ILKAP: variants seen among roughly 807,000 people sequenced by gnomAD.
ILKAP encodes integrin-linked kinase-associated serine/threonine phosphatase 2C.
ILKAP carries 11 observed loss-of-function variants against 49.1 expected under a neutral mutation model. The ratio of observed to expected loss-of-function variants is 0.22; its 90% CI spans 0.14 to 0.37. The LOEUF (loss-of-function observed/expected upper bound fraction) is 0.37, where lower values mean the gene tolerates loss of function less well. Ranked by LOEUF, ILKAP falls within the 10% of genes least tolerant of loss-of-function variation. The probability of loss-of-function intolerance (pLI) is 1.00; values close to 1 mark genes in which losing one functional copy is unlikely to be tolerated. For synonymous variants in ILKAP, 186 were observed against 192.8 expected (o/e 0.96, Z 0.29); for missense variants, 363 against 510.8 (o/e 0.71, Z 2.79).
Position 238,183,665 on chromosome 2 carries a change from G to A in ILKAP, c.702C>T (p.Leu234=), listed in dbSNP as rs759797592. Residue 234 remains leucine (L), a synonymous_variant, in exon 8 of 12, where the codon CTC becomes CTT. Transcript: ENST00000254654. ...AVDNILYIAN[L]GDSRAILCRY... ...CAGAGCCACATACCCGACTATCTCC[G>A]AGGTTGGCAATATAAAGAATGTTGT... 9.9e-6 allele frequency: 16 copies of A among 1,612,254 alleles called. No homozygotes were observed. The highest frequency in any genetic ancestry group is 2.2e-5 in the South Asian group (2 of 90,742).
rs201992635 is a variant in ILKAP at position 238,182,020 on chromosome 2, C to T, written c.836+45G>A. On this transcript the variant is annotated intron_variant, in intron 9 of 11. Coordinates refer to ENST00000254654, the MANE Select transcript of ILKAP (RefSeq NM_030768.3). Reference sequence around the variant, plus strand: ...TGAAGGTCTCGGGACCCTTCTACAGCTAACAGCCCTCCTTCCCATGAGCTC... The same window carrying T: ...TGAAGGTCTCGGGACCCTTCTACAGTTAACAGCCCTCCTTCCCATGAGCTC... 3.0e-4 allele frequency: 485 copies of T among 1,607,592 alleles called. 1 individual carries two copies. Among genetic ancestry groups the T allele is most frequent in the Non-Finnish European group, 1.5e-4 (174 of 1,176,020 alleles).
chr2:238,188,312 AC>A, intron 4 of ILKAP, 55 bp from the exon 5 acceptor site: 1 of 1,583,450 alleles, frequency 6.3e-7, no homozygotes, highest in Admixed American at 1.8e-5. Context: ...CCCTCTGGAA[AC>A]CCTAGTCCCA....
intron 1 of ILKAP, among the ~76,000 whole-genome samples, chr2:238,198,427 C>CG (rs11378938): frequency 0.11 from 17,285 of 152,002 alleles, 1,998 homozygotes; most frequent in African/African-American, 0.3. Context: ...TTTGTAGAGA[C>CG]GGGGTCTCAC....
intron 8 of ILKAP, 136 bp downstream of exon 8, chr2:238,183,517 G>C: frequency 1.5e-6 from 1 of 658,494 alleles, no homozygotes; most frequent in Non-Finnish European, 2.6e-6. Context: ...AACTGCAGCA[G>C]AACACTCTGC....
At chr2:238,176,094 T>G (rs1284736254) in intron 9 of ILKAP, among the ~76,000 whole-genome samples, 2 of 142,202 alleles carry the variant, frequency 1.4e-5, no homozygotes, top group South Asian at 4.7e-4. Flanking sequence ...TCCCTCAGTT[T>G]CCCCCCCACC....
intron 9 of ILKAP, among the ~76,000 whole-genome samples, chr2:238,180,769 T>C (rs1463006240): frequency 6.6e-6 from 1 of 152,198 alleles, no homozygotes; most frequent in Non-Finnish European, 1.5e-5. Flanking sequence ...GACTGGGATA[T>C]AGGAAGCAAC....
At chr2:238,180,273 GA>G (rs1693634544) in intron 9 of ILKAP, among the ~76,000 whole-genome samples, 1 of 152,216 alleles carries the variant, frequency 6.6e-6, no homozygotes, top group Admixed American at 6.5e-5. Flanking sequence ...ATACTTTGGG[GA>G]TAACTCGGGA....
chr2:238,196,422 T>C (rs1694350616), intron 1 of ILKAP, among the ~76,000 whole-genome samples: 1 of 152,268 alleles, frequency 6.6e-6, no homozygotes, highest in South Asian at 2.1e-4. Flanking sequence ...AGACGGGGTT[T>C]CACCATGTTG....
intron 1 of ILKAP, among the ~76,000 whole-genome samples, chr2:238,196,043 C>CAAAAAAAAA (rs71043116): frequency 2.9e-5 from 2 of 67,870 alleles, no homozygotes; most frequent in Admixed American, 2.8e-4. Context: ...GACTCTGTCA[C>CAAAAAAAAA]AAAAAAAAAA....
chr2:238,192,199 G>A (rs1405428214), intron 3 of ILKAP, among the ~76,000 whole-genome samples: 1 of 130,498 alleles, frequency 7.7e-6, no homozygotes, highest in Non-Finnish European at 1.7e-5. Flanking sequence ...GAGTGAGACT[G>A]TCTTAAAAAA....
At chr2:238,199,948 G>A (rs956403833) in intron 1 of ILKAP, among the ~76,000 whole-genome samples, 2 of 151,798 alleles carry the variant, frequency 1.3e-5, no homozygotes, top group African/African-American at 4.8e-5. Context: ...AAGATGGTGT[G>A]GCCATCAAAT....
At chr2:238,192,935 C>A (rs551214270) in intron 3 of ILKAP, among the ~76,000 whole-genome samples, 1 of 152,124 alleles carries the variant, frequency 6.6e-6, no homozygotes, top group East Asian at 1.9e-4. Context: ...ATCGCTTAAA[C>A]CCGGGAGGTG....
intron 1 of ILKAP, among the ~76,000 whole-genome samples, chr2:238,203,165 G>A (rs1405966120): frequency 6.6e-6 from 1 of 151,024 alleles, no homozygotes; most frequent in East Asian, 1.9e-4. Flanking sequence ...CGGTGCCGCC[G>A]GGCGTTCAGA....
chr2:238,170,927 G>A lies in ILKAP; in HGVS notation c.1038+16C>T, dbSNP rs200973463. On this transcript the variant is annotated intron_variant, in intron 11 of 11. Transcript: ENST00000254654. ...CACAATTGGGACAACCACCACCCCCGTGTGAGATTTCTCACCTCGAGACAG... is the reference window on the plus strand; with the variant it reads ...CACAATTGGGACAACCACCACCCCCATGTGAGATTTCTCACCTCGAGACAG... The A allele has an allele frequency of 1.5e-4, 249 of 1,607,768 alleles. 1 individual carries two copies. The African/African-American group carries it at 2.8e-3, about 18-fold the overall frequency.
At chr2:238,194,475 G>A (rs1694266649) in intron 2 of ILKAP, 144 bp from the exon 3 acceptor site, 1 of 679,444 alleles carries the variant, frequency 1.5e-6, no homozygotes, top group East Asian at 2.7e-5. Flanking sequence ...ATACTGCAAT[G>A]AATAATATCT....
chr2:238,181,954 C>T (rs1040928153), intron 9 of ILKAP, 111 bp downstream of exon 9: 8 of 1,139,946 alleles, frequency 7.0e-6, no homozygotes, highest in African/African-American at 4.6e-5. Context: ...GACAGAGCCT[C>T]GTCACACTGA....
intron 10 of ILKAP, among the ~76,000 whole-genome samples, chr2:238,172,437 T>C (rs1030658550): frequency 1.3e-5 from 2 of 152,206 alleles, no homozygotes; most frequent in Admixed American, 6.5e-5. Flanking sequence ...GGCCTAGTCC[T>C]GGCAGGCTCC....
intron 2 of ILKAP, 83 bp downstream of exon 2, chr2:238,194,722 G>A (rs1161267068): frequency 1.7e-5 from 23 of 1,376,448 alleles, no homozygotes; most frequent in Admixed American, 3.6e-5. Flanking sequence ...GAAAATGGGG[G>A]AAAGGGAAAA....
At chr2:238,203,400 C>A in intron 1 of ILKAP, 99 bp downstream of exon 1, 2 of 460,382 alleles carry the variant, frequency 4.3e-6, no homozygotes. Context: ...CGCCCGCCGC[C>A]TCCCAGCGCG....
Sources: gnomAD v4.1 joint callset for allele counts (sites outside exome capture counted in the v4.1 genomes callset) on GRCh38, gnomAD v4.1.1 for gene constraint, MANE v1.5 for transcripts, NCBI Gene and HGNC (gene_info 2026-07-23, HGNC 2026-07-21) for gene names.